The following ASIC1 variants were observed in gnomAD, a reference collection of about 807,000 sequenced individuals.
ASIC1 encodes the protein acid sensing ion channel subunit 1.
A neutral mutation model predicts 63.4 loss-of-function variants in ASIC1; 21 were observed. That is an observed-to-expected ratio of 0.33 (90% CI 0.23 to 0.48). The LOEUF is 0.48. Ranked by LOEUF, ASIC1 falls within the 20% of genes least tolerant of loss-of-function variation. The pLI is 0.99. For synonymous variants in ASIC1, 258 were observed against 278.2 expected (o/e 0.93, Z 0.72); for missense variants, 478 against 695.5 (o/e 0.69, Z 3.52).
At chr12:50,076,141 G>T (rs1036612834) in intron 3 of ASIC1, among the ~76,000 whole-genome samples, 16 of 152,166 alleles carry the variant, frequency 1.1e-4, no homozygotes, top group Non-Finnish European at 2.1e-4. Context: ...AATAATGATG[G>T]ACCCAAGGGG....
rs1036064520 is a variant in ASIC1, at chr12:50,083,450, G to T, written c.*1801G>T. 3 of 152,642 alleles carry T rather than the reference G, an allele frequency of 2.0e-5. No homozygotes were observed. Among genetic ancestry groups the T allele is most frequent in the Non-Finnish European group, 4.4e-5 (3 of 68,088 alleles). 9.5% of individuals were successfully genotyped at this position (152,642 alleles called of 1,614,324 possible). ...TGGCCTGGAGCTGGAGAGTAAGGCTGTAGGATCTTTGGAATCTCTTGGTTC... is the reference window on the plus strand; with the variant it reads ...TGGCCTGGAGCTGGAGAGTAAGGCTTTAGGATCTTTGGAATCTCTTGGTTC... On this transcript the variant is annotated 3_prime_UTR_variant, in exon 12 of 12. Transcript: ENST00000447966.
In ASIC1 at chr12:50,081,352, C is replaced by T. The variant is rs535522554; in HGVS notation, c.1470C>T (p.Asp490=). 3.1e-5 allele frequency: 49 copies of T among 1,604,282 alleles called. No individual in the cohort carries two copies. The highest frequency in any genetic ancestry group is 3.7e-5 in the Non-Finnish European group (43 of 1,175,638). ...AGGGCGTGGCCCTCAGCCTGGACGA[C>T]GTCAAAAGACACGTGAGGGAGCGAG... The part of the protein sequence containing the change: ...ADKGVALSLD[D]VKRHNPCESL... Residue 490 remains aspartate (D), a synonymous_variant, in exon 11 of 12, where the codon GAC becomes GAT. Coordinates refer to ENST00000447966, the MANE Select transcript of ASIC1 (RefSeq NM_001095.4).
chr12:50,067,392 A>G (rs1045644908), intron 3 of ASIC1, among the ~76,000 whole-genome samples: 1 of 146,710 alleles, frequency 6.8e-6, no homozygotes, highest in Admixed American at 6.9e-5. Flanking sequence ...ATAGTTGCCC[A>G]CCAACTCTTC....
chr12:50,058,256 A>G (rs1950465703), intron 1 of ASIC1, among the ~76,000 whole-genome samples: 1 of 152,100 alleles, frequency 6.6e-6, no homozygotes, highest in Admixed American at 6.5e-5. Context: ...CCCTAGATGT[A>G]GCCACCTCCC....
At chr12:50,069,255 A>ATTTT (rs748015992) in intron 3 of ASIC1, among the ~76,000 whole-genome samples, 13 of 107,320 alleles carry the variant, frequency 1.2e-4, no homozygotes, top group South Asian at 2.9e-4. Flanking sequence ...TTTATTTTTT[A>ATTTT]TTTTATTTAT....
At position 50,079,016 on chromosome 12, in the gene ASIC1, G is replaced by A. The variant is rs1437395959; in HGVS notation, c.1051+36G>A. ...CTGGCCTGGGGCAGTCTGGGGGAGG[G>A]AAAAGGTGCTGCCAGCCACGTGCGC... On this transcript the variant is annotated intron_variant, in intron 7 of 11. Coordinates refer to ENST00000447966, the MANE Select transcript of ASIC1 (RefSeq NM_001095.4). 5 of 1,603,708 alleles carry A rather than the reference G, an allele frequency of 3.1e-6. No individual in the cohort carries two copies. In the Admixed American group the frequency reaches 6.8e-5, roughly 22 times the overall value.
intron 3 of ASIC1, among the ~76,000 whole-genome samples, chr12:50,067,530 C>T (rs1162019262): frequency 6.6e-6 from 1 of 152,034 alleles, no homozygotes; most frequent in African/African-American, 2.4e-5. Context: ...CTGCCTCAGC[C>T]TCCTGAGTAG....
chr12:50,076,814 C>G (rs1950659568), intron 3 of ASIC1: 3 of 382,846 alleles, frequency 7.8e-6, no homozygotes. Context: ...AGACAGTGCT[C>G]TGTAGGGAGC....
At chr12:50,072,068 T>TTCCA (rs1243256179) in intron 3 of ASIC1, among the ~76,000 whole-genome samples, 1 of 152,080 alleles carries the variant, frequency 6.6e-6, no homozygotes, top group East Asian at 1.9e-4. Flanking sequence ...AGGCCAAAGG[T>TTCCA]TCCACATCAC....
intron 8 of ASIC1, chr12:50,080,258 T>C: frequency 7.7e-6 from 6 of 775,338 alleles, no homozygotes; most frequent in South Asian, 1.8e-5. Flanking sequence ...TTCTCCTCCT[T>C]CTTCATCCTC....
At position 50,078,492 on chromosome 12, in the gene ASIC1, C is replaced by G; in HGVS notation, c.909C>G (p.Asp303Glu). Residue 303 changes from aspartate to glutamate, a missense_variant, in exon 6 of 12, where the codon GAC becomes GAG. Asp to Glu is a conservative substitution (Grantham distance 45, BLOSUM62 2). This residue lies in a region of ASIC1 where 290 missense variants were observed against 414.9 expected (regional missense o/e 0.70). Transcript: ENST00000447966. The surrounding 1 kb of genome is among the most constrained non-coding windows in gnomAD (Gnocchi z 6.0). The stretch of plus-strand genomic sequence containing the variant: ...TGGACTCGGATTTGGATTTCTTCGA[C>G]TCCTACAGCATCACTGCCTGCCGCA... ...VTMDSDLDFF[D>E]SYSITACRID... 1 of 1,614,118 alleles carries G rather than the reference C, an allele frequency of 6.2e-7. No individual in the cohort carries two copies. The highest frequency in any genetic ancestry group is 1.1e-5 in the South Asian group (1 of 91,076).
At chr12:50,058,262 C>T (rs1432712251) in intron 1 of ASIC1, among the ~76,000 whole-genome samples, 1 of 152,220 alleles carries the variant, frequency 6.6e-6, no homozygotes. Flanking sequence ...ATGTAGCCAC[C>T]TCCCTGGGGG....
At chr12:50,073,847 G>T (rs1486726955) in intron 3 of ASIC1, 2 of 1,531,284 alleles carry the variant, frequency 1.3e-6, no homozygotes, top group Non-Finnish European at 1.7e-6. Flanking sequence ...CCAGGGCCAA[G>T]GCAGGTGCTG....
In ASIC1 at chr12:50,057,783, C is replaced by T. The variant is rs1336042888; in HGVS notation, c.-150C>T. On this transcript the variant is annotated 5_prime_UTR_variant, in exon 1 of 12. Coordinates refer to ENST00000447966, the MANE Select transcript of ASIC1 (RefSeq NM_001095.4). The surrounding 1 kb of genome is among the most constrained non-coding windows in gnomAD (Gnocchi z 4.7). Reference sequence around the variant, plus strand: ...CGGGCGGGGCGCTCCCTGCAGGGCTCTGCGCGGCGTGCCGCGGCGGCCGCG... The same window carrying T: ...CGGGCGGGGCGCTCCCTGCAGGGCTTTGCGCGGCGTGCCGCGGCGGCCGCG... 6.7e-6 allele frequency: 1 copy of T among 149,636 alleles called. No individual in the cohort carries two copies. The highest frequency in any genetic ancestry group is 1.5e-5 in the Non-Finnish European group (1 of 67,124). 9.3% of individuals were successfully genotyped at this position (149,636 alleles called of 1,614,324 possible). A position where few individuals can be genotyped will look rare whatever the true frequency, so the allele number is the denominator to read the frequency against.
chr12:50,077,161 T>G, intron 3 of ASIC1, 52 bp from the exon 4 acceptor site: 1 of 1,607,410 alleles, frequency 6.2e-7, no homozygotes, highest in South Asian at 1.1e-5. Context: ...CAGCCCTTGG[T>G]GAGTAGAGGG....
intron 3 of ASIC1, chr12:50,073,623 T>C: frequency 1.3e-6 from 2 of 1,535,812 alleles, no homozygotes; most frequent in South Asian, 1.2e-5. Flanking sequence ...CATTCTCCTC[T>C]GGAGAGGAAG....
At chr12:50,067,100 T>G (rs1950552134) in intron 3 of ASIC1, among the ~76,000 whole-genome samples, 1 of 80,090 alleles carries the variant, frequency 1.2e-5, no homozygotes, top group Non-Finnish European at 2.5e-5. Flanking sequence ...GTCTTTGTGC[T>G]AAGATAAAAA....
rs1237105050 is a variant in ASIC1, at chr12:50,081,298, G to A, written c.1416G>A (p.Gln472=). 1.2e-6 allele frequency: 2 copies of A among 1,610,770 alleles called. No homozygotes were observed. Among genetic ancestry groups the A allele is most frequent in the Admixed American group, 1.7e-5 (1 of 59,550 alleles). ...AGCTGTGCCGACGAGGAAAATGCCA[G>A]AAGGAGGCCAAAAGGAGCAGTGCGG... ...KHKLCRRGKC[Q]KEAKRSSADK... Residue 472 remains glutamine, a synonymous_variant, in exon 11 of 12, where the codon CAG becomes CAA. Coordinates refer to ENST00000447966, the MANE Select transcript of ASIC1 (RefSeq NM_001095.4).
chr12:50,070,331 TGGA>T (rs1343480662), intron 3 of ASIC1, among the ~76,000 whole-genome samples: 3 of 152,118 alleles, frequency 2.0e-5, no homozygotes, highest in Non-Finnish European at 4.4e-5. Context: ...ATACAGGCGA[TGGA>T]GGAGAGAGGA....
Sources: allele counts gnomAD v4.1 joint callset (sites outside exome capture counted in the v4.1 genomes callset), GRCh38; gene constraint gnomAD v4.1.1; regional missense constraint gnomAD v4.1.1; non-coding constraint Gnocchi (gnomAD v3.1); transcripts MANE v1.5; gene names NCBI Gene and HGNC (gene_info 2026-07-23, HGNC 2026-07-21).